The following CLIP4 variants were observed in gnomAD, a reference collection of about 807,000 sequenced individuals.
CLIP4 encodes the protein CAP-Gly domain-containing linker protein 4.
A neutral mutation model predicts 73.1 loss-of-function variants in CLIP4; 47 were observed. That is an observed-to-expected ratio of 0.64 (90% CI 0.51 to 0.82). The LOEUF (loss-of-function observed/expected upper bound fraction) is 0.82, where lower values mean the gene tolerates loss of function less well. CLIP4 is among the 40% of genes least tolerant of loss of function. The pLI is 0.00. For missense variants in CLIP4, 874 were observed against 852.9 expected (o/e 1.02, Z -0.31); for synonymous variants, 306 against 295.4 (o/e 1.04, Z -0.37).
chr2:29,119,675 C>G (rs191433621), intron 1 of CLIP4, among the ~76,000 whole-genome samples: 1 of 152,288 alleles, frequency 6.6e-6, no homozygotes, highest in African/African-American at 2.4e-5. Flanking sequence ...CTAAAAAGCC[C>G]TTACAGCCTC....
intron 15 of CLIP4, among the ~76,000 whole-genome samples, chr2:29,176,282 A>G (rs1444000724): frequency 2.0e-5 from 3 of 152,148 alleles, no homozygotes; most frequent in Non-Finnish European, 4.4e-5. Context: ...GTTAACCTGG[A>G]GACATGGTGT....
At chr2:29,103,759 GC>G (rs1668120215) in intron 1 of CLIP4, among the ~76,000 whole-genome samples, 1 of 151,916 alleles carries the variant, frequency 6.6e-6, no homozygotes, top group African/African-American at 2.4e-5. Context: ...TGTCACCCAG[GC>G]TGGAGTGCAA....
chr2:29,181,430 A>T lies in CLIP4; in HGVS notation c.1797-142A>T, dbSNP rs111489133. The T allele has an allele frequency of 1.3e-3, 910 of 714,532 alleles. 1 individual carries two copies. The African/African-American group carries it at 0.013, about 10-fold the overall frequency. 44.3% of individuals were successfully genotyped at this position (714,532 alleles called of 1,614,324 possible). A position where few individuals can be genotyped will look rare whatever the true frequency, so the allele number is the denominator to read the frequency against. On this transcript the variant is annotated intron_variant, in intron 15 of 15. Transcript: ENST00000320081. ...CTCTAAAACTGCTATTTAAAATTTA[A>T]AAATCAAGTTGTGACCATAAAGTAT...
At chr2:29,102,011 T>G (rs926845336) in intron 1 of CLIP4, among the ~76,000 whole-genome samples, 1 of 152,150 alleles carries the variant, frequency 6.6e-6, no homozygotes, top group Admixed American at 6.5e-5. Flanking sequence ...AATAGCAATA[T>G]GGACCCTACA....
At chr2:29,151,562 A>G (rs1179240776) in intron 8 of CLIP4, among the ~76,000 whole-genome samples, 2 of 152,178 alleles carry the variant, frequency 1.3e-5, no homozygotes, top group African/African-American at 4.8e-5. Context: ...ATAAAGTAGT[A>G]TGGACTCTGA....
intron 13 of CLIP4, among the ~76,000 whole-genome samples, chr2:29,164,732 A>G (rs1025371827): frequency 5.3e-5 from 8 of 152,182 alleles, no homozygotes; most frequent in African/African-American, 4.8e-5. Context: ...TTTCCCTTAC[A>G]ACTAGACTGT....
rs552686536 is a variant in CLIP4 at position 29,182,790 on chromosome 2, C to A, written c.*897C>A. On this transcript the variant is annotated 3_prime_UTR_variant, in exon 16 of 16. Transcript: ENST00000320081. Reference sequence around the variant, plus strand: ...TAACACATAAACACAAAGCACTTTTCAAACATGATGCACTTTTATCTTTGT... The same window carrying A: ...TAACACATAAACACAAAGCACTTTTAAAACATGATGCACTTTTATCTTTGT... 1 of 152,736 alleles carries A rather than the reference C, an allele frequency of 6.5e-6. No homozygotes were observed. Among genetic ancestry groups the A allele is most frequent in the South Asian group, 2.1e-4 (1 of 4,828 alleles). The allele number at this position is 152,736 out of a possible 1,614,324, so 9.5% of individuals were successfully genotyped here.
At chr2:29,099,019 T>C (rs549513165) in intron 1 of CLIP4, among the ~76,000 whole-genome samples, 1 of 152,362 alleles carries the variant, frequency 6.6e-6, no homozygotes, top group Admixed American at 6.5e-5. Context: ...TTTGGTGAGG[T>C]GTCTGTTCAG....
At chr2:29,143,554 A>C (rs1442969831) in intron 6 of CLIP4, among the ~76,000 whole-genome samples, 155 bp from the exon 7 acceptor site, 2 of 152,206 alleles carry the variant, frequency 1.3e-5, no homozygotes, top group African/African-American at 4.8e-5. Context: ...TTTAGCACCT[A>C]GAATGGTGTC....
chr2:29,143,413 C>CA (rs1665920181), intron 6 of CLIP4, among the ~76,000 whole-genome samples: 1 of 2,524 alleles, frequency 4.0e-4, no homozygotes, highest in African/African-American at 6.5e-4. Flanking sequence ...TTTTTTTTTT[C>CA]CCTCCAGGCC....
intron 6 of CLIP4, among the ~76,000 whole-genome samples, chr2:29,136,467 G>C (rs1465185653): frequency 2.0e-5 from 3 of 151,418 alleles, no homozygotes; most frequent in African/African-American, 7.3e-5. Context: ...GACTATATTG[G>C]TTATTGGGCA....
At chr2:29,168,381 T>A (rs1016963044) in intron 14 of CLIP4, among the ~76,000 whole-genome samples, 6 of 152,066 alleles carry the variant, frequency 3.9e-5, no homozygotes, top group African/African-American at 1.4e-4. Context: ...GTCAATTTCA[T>A]GTGTGGCAAA....
Position 29,133,679 on chromosome 2 carries a change from T to C in CLIP4, c.392T>C (p.Phe131Ser), listed in dbSNP as rs768651517. 2 of 1,609,920 alleles carry C rather than the reference T, an allele frequency of 1.2e-6. No individual in the cohort carries two copies. Among genetic ancestry groups the C allele is most frequent in the South Asian group, 1.1e-5 (1 of 89,886 alleles). The stretch of plus-strand genomic sequence containing the variant: ...GGTGATGTGGAAACAGCTGTAAAAT[T>C]TGCAACTCAGCTTATTGACCTGGGA... ...GIGDVETAVK[F>S]ATQLIDLGAD... The change falls in exon 5 of 16, where the codon TTT becomes TCT. Residue 131 changes from phenylalanine (F) to serine (S), a missense_variant. Transcript: ENST00000320081.
chr2:29,167,450 C>T (rs371415240), intron 13 of CLIP4, 26 bp from the exon 14 acceptor site: 25 of 1,551,894 alleles, frequency 1.6e-5, no homozygotes, highest in Admixed American at 9.4e-5. Context: ...CTACTTCTAA[C>T]GAGATGTCCT....
intron 1 of CLIP4, among the ~76,000 whole-genome samples, chr2:29,101,697 AACC>A (rs1178200125): frequency 6.6e-6 from 1 of 152,216 alleles, no homozygotes; most frequent in East Asian, 1.9e-4. Flanking sequence ...ACTCAGTATT[AACC>A]ATCACAGTCC....
chr2:29,150,984 A>T (rs1177707496), intron 8 of CLIP4, among the ~76,000 whole-genome samples: 1 of 152,104 alleles, frequency 6.6e-6, no homozygotes, highest in Non-Finnish European at 1.5e-5. Flanking sequence ...TGTTATAATG[A>T]TATAGTGGTT....
intron 2 of CLIP4, among the ~76,000 whole-genome samples, chr2:29,122,314 T>C (rs1452920): frequency 0.37 from 55,592 of 151,140 alleles, 11,401 homozygotes; most frequent in East Asian, 0.69. Flanking sequence ...ATATAAAACC[T>C]GTGCCTTGAT....
At chr2:29,173,404 G>A (rs3100219) in intron 14 of CLIP4, among the ~76,000 whole-genome samples, 138,839 of 152,224 alleles carry the variant, frequency 0.91, 63,415 homozygotes, top group East Asian at 1. Context: ...GGGGATCCTC[G>A]CTTTAACCAA....
chr2:29,147,882 G>A (rs1469240866), intron 8 of CLIP4, among the ~76,000 whole-genome samples: 4 of 152,042 alleles, frequency 2.6e-5, no homozygotes, highest in African/African-American at 9.7e-5. Flanking sequence ...AGTAGTTTGA[G>A]GTTAAGAATT....
Sources: gnomAD v4.1 joint callset for allele counts (sites outside exome capture counted in the v4.1 genomes callset) on GRCh38, gnomAD v4.1.1 for gene constraint, MANE v1.5 for transcripts, NCBI Gene and HGNC (gene_info 2026-07-23, HGNC 2026-07-21) for gene names.